The following ATP2B2 variants were observed in gnomAD, a reference collection of about 807,000 sequenced individuals.
ATP2B2 encodes the protein plasma membrane calcium-transporting ATPase 2.
Under a neutral mutation model 120.0 loss-of-function variants are expected in ATP2B2, and 15 were observed. The ratio of observed to expected loss-of-function variants is 0.12; its 90% CI spans 0.08 to 0.19. The LOEUF is 0.19. ATP2B2 is among the 10% of genes least tolerant of loss of function. The pLI is 1.00. For synonymous variants in ATP2B2, 694 were observed against 700.3 expected, an observed-to-expected ratio of 0.99 and a Z score of 0.14; for missense variants, 1,045 against 1,719.8, an observed-to-expected ratio of 0.61 and a Z score of 6.94.
chr3:10,399,329 C>A (rs953528358), intron 5 of ATP2B2, among the ~76,000 whole-genome samples: 1 of 152,338 alleles, frequency 6.6e-6, no homozygotes. Flanking sequence ...ACCCCGGGGG[C>A]TTTGCACTTG....
intron 1 of ATP2B2, among the ~76,000 whole-genome samples, chr3:10,643,189 A>T (rs1009958306): frequency 6.6e-6 from 1 of 152,224 alleles, no homozygotes; most frequent in African/African-American, 2.4e-5. Flanking sequence ...AATAATTAAT[A>T]CGGTAATTAA....
intron 2 of ATP2B2, among the ~76,000 whole-genome samples, chr3:10,551,410 T>C (rs1222253410): frequency 6.6e-6 from 1 of 152,162 alleles, no homozygotes; most frequent in Non-Finnish European, 1.5e-5. Context: ...AAGCTCAACG[T>C]CTCAGATGCG....
intron 2 of ATP2B2, among the ~76,000 whole-genome samples, chr3:10,614,125 G>A (rs544502378): frequency 3.3e-5 from 5 of 151,844 alleles, no homozygotes; most frequent in East Asian, 3.9e-4. Flanking sequence ...CAGCCTTTAC[G>A]GCATATTACA....
intron 1 of ATP2B2, among the ~76,000 whole-genome samples, chr3:10,501,910 G>A (rs2066410808): frequency 1.3e-5 from 2 of 152,208 alleles, no homozygotes; most frequent in Non-Finnish European, 1.5e-5. Flanking sequence ...AAACCCAGGG[G>A]TACCTGTGGA....
chr3:10,530,923 AG>A (rs2067197274), intron 3 of ATP2B2, among the ~76,000 whole-genome samples: 1 of 152,134 alleles, frequency 6.6e-6, no homozygotes, highest in Admixed American at 6.5e-5. Context: ...TCTGCTGGGG[AG>A]GATTTAGTTG....
intron 12 of ATP2B2, among the ~76,000 whole-genome samples, chr3:10,360,458 A>T (rs1460016258): frequency 6.6e-6 from 1 of 152,228 alleles, no homozygotes; most frequent in Non-Finnish European, 1.5e-5. Flanking sequence ...AGATTTTTCT[A>T]TTTTAAGAAG....
At chr3:10,387,454 G>A (rs1242527566) in intron 6 of ATP2B2, among the ~76,000 whole-genome samples, 3 of 152,240 alleles carry the variant, frequency 2.0e-5, no homozygotes, top group African/African-American at 4.8e-5. Context: ...AGTTCTGAAT[G>A]TCACAGATCC....
chr3:10,672,054 T>A (rs76651979), intron 1 of ATP2B2, among the ~76,000 whole-genome samples: 1 of 152,220 alleles, frequency 6.6e-6, no homozygotes, highest in Non-Finnish European at 1.5e-5. Flanking sequence ...AAAAGCAATA[T>A]GATTTTATGC....
rs557421935 is a variant in ATP2B2 at position 10,346,027 on chromosome 3, C to G, written c.2511+4G>C. 1 of 1,610,592 alleles carries G rather than the reference C, an allele frequency of 6.2e-7. No individual in the cohort carries two copies. Among genetic ancestry groups the G allele is most frequent in the Non-Finnish European group, 8.5e-7 (1 of 1,179,762 alleles). ...ACCCCAGGCCCTCTGTGGGCCGTTCCTACCATGGCGAAGCCCACGTCGGCC... is the reference window on the plus strand; with the variant it reads ...ACCCCAGGCCCTCTGTGGGCCGTTCGTACCATGGCGAAGCCCACGTCGGCC... On this transcript the variant is annotated splice_donor_region_variant and intron_variant, in intron 17 of 22. Coordinates refer to ENST00000360273, the MANE Select transcript of ATP2B2 (RefSeq NM_001001331.4). The surrounding 1 kb of genome is among the most constrained non-coding windows in gnomAD (Gnocchi z 4.1).
intron 2 of ATP2B2, among the ~76,000 whole-genome samples, chr3:10,548,292 G>C (rs1170847371): frequency 6.6e-6 from 1 of 152,238 alleles, no homozygotes; most frequent in African/African-American, 2.4e-5. Flanking sequence ...CTGGTGCAGA[G>C]ATGCTGTTAT....
In ATP2B2 at chr3:10,340,253, C is replaced by G; in HGVS notation, c.3226G>C (p.Val1076Leu). The change falls in exon 21 of 23, where the codon GTT becomes CTT. Residue 1076 changes from valine (V) to leucine (L), a missense_variant. Val to Leu is a conservative substitution (Grantham distance 32). This residue lies in a region of ATP2B2 where 211 missense variants were observed against 385.1 expected (regional missense o/e 0.55). Coordinates refer to ENST00000360273, the MANE Select transcript of ATP2B2 (RefSeq NM_001001331.4). The surrounding 1 kb of genome is among the most constrained non-coding windows in gnomAD (Gnocchi z 5.0). ...TACCAGGAACTTACCTGGCCCCAAA[C>G]GAGCTCTCCTAACCCAATGAATATG... ...WCIFIGLGELVWGQVIATIPT... is the reference protein window; with the variant it reads ...WCIFIGLGELLWGQVIATIPT... The G allele has an allele frequency of 6.2e-7, 1 of 1,614,162 alleles. No homozygotes were observed. Among genetic ancestry groups the G allele is most frequent in the Non-Finnish European group, 8.5e-7 (1 of 1,180,024 alleles).
intron 2 of ATP2B2, among the ~76,000 whole-genome samples, chr3:10,602,762 T>C (rs1429332469): frequency 6.6e-6 from 1 of 152,078 alleles, no homozygotes; most frequent in Non-Finnish European, 1.5e-5. Context: ...ATGACTGAAG[T>C]TGGAGGGAAA....
At chr3:10,587,883 C>T (rs2068551441) in intron 2 of ATP2B2, among the ~76,000 whole-genome samples, 1 of 152,152 alleles carries the variant, frequency 6.6e-6, no homozygotes, top group Admixed American at 6.6e-5. Flanking sequence ...ACTCAGTTCA[C>T]ATTTTATGTC....
intron 3 of ATP2B2, among the ~76,000 whole-genome samples, chr3:10,529,093 C>T (rs551560714): frequency 1.2e-4 from 18 of 152,208 alleles, no homozygotes; most frequent in Non-Finnish European, 2.4e-4. Context: ...CCCACCTTCC[C>T]GGGGGAAGAC....
chr3:10,504,515 C>G (rs561769530), intron 1 of ATP2B2, among the ~76,000 whole-genome samples: 3 of 151,820 alleles, frequency 2.0e-5, no homozygotes, highest in African/African-American at 7.2e-5. Flanking sequence ...ATGGAGGGCC[C>G]GAGACCCCCA....
chr3:10,538,800 C>G (rs1055704359), intron 2 of ATP2B2, among the ~76,000 whole-genome samples: 1 of 152,184 alleles, frequency 6.6e-6, no homozygotes, highest in South Asian at 2.1e-4. Flanking sequence ...GAAGCATTCC[C>G]TTTGAAAACT....
At chr3:10,376,243 G>A (rs2061376918) in intron 10 of ATP2B2, among the ~76,000 whole-genome samples, 1 of 152,094 alleles carries the variant, frequency 6.6e-6, no homozygotes. Context: ...TTTCAGATAT[G>A]GTGACACATT....
At chr3:10,407,738 C>T (rs960142919) in intron 3 of ATP2B2, among the ~76,000 whole-genome samples, 3 of 152,218 alleles carry the variant, frequency 2.0e-5, no homozygotes, top group Non-Finnish European at 2.9e-5. Context: ...GGGTGTTGAA[C>T]GTGGCCACTT....
rs1167384488 is a variant in ATP2B2, at chr3:10,340,735, A to C, written c.2918-31T>G. On this transcript the variant is annotated intron_variant, in intron 19 of 22. Coordinates refer to ENST00000360273, the MANE Select transcript of ATP2B2 (RefSeq NM_001001331.4). This position sits in a 1 kb window ranked among gnomAD's most constrained non-coding sequence, Gnocchi z 5.0. ...AAGTGAGAGAGTGGGGCTGGGCTGA[A>C]GGCAGTGGTGGGGGAATCAGAGGGG... 3.7e-6 allele frequency: 6 copies of C among 1,611,990 alleles called. No individual in the cohort carries two copies. Among genetic ancestry groups the C allele is most frequent in the Non-Finnish European group, 1.7e-6 (2 of 1,178,306 alleles).
Sources: allele counts gnomAD v4.1 joint callset (sites outside exome capture counted in the v4.1 genomes callset), GRCh38; gene constraint gnomAD v4.1.1; regional missense constraint gnomAD v4.1.1; non-coding constraint Gnocchi (gnomAD v3.1); transcripts MANE v1.5; gene names NCBI Gene and HGNC (gene_info 2026-07-23, HGNC 2026-07-21).